Variants in STIM1 observed in about 807,000 individuals in gnomAD.
STIM1 encodes the protein stromal interaction molecule 1.
STIM1 carries 25 observed loss-of-function variants against 74.7 expected under a neutral mutation model. That is an observed-to-expected ratio of 0.33 (90% CI 0.24 to 0.47). The LOEUF is 0.47. Ranked by LOEUF, STIM1 falls within the 20% of genes least tolerant of loss-of-function variation. The pLI, the probability that STIM1 is intolerant of heterozygous loss-of-function variation, is 1.00. For synonymous variants in STIM1, 328 were observed against 348.8 expected (o/e 0.94, Z 0.66); for missense variants, 728 against 920.8 (o/e 0.79, Z 2.71).
At chr11:3,923,163 T>C (rs1262986955) in intron 1 of STIM1, among the ~76,000 whole-genome samples, 1 of 152,206 alleles carries the variant, frequency 6.6e-6, no homozygotes, top group Non-Finnish European at 1.5e-5. Flanking sequence ...CCCCATAATT[T>C]TTTTTATCTA....
At chr11:4,053,202 A>G (rs534231372) in intron 3 of STIM1, among the ~76,000 whole-genome samples, 3 of 152,300 alleles carry the variant, frequency 2.0e-5, no homozygotes, top group East Asian at 3.9e-4. Flanking sequence ...AACTAGAAAT[A>G]CCATTTGACC....
chr11:4,052,951 A>G (rs965119364), intron 3 of STIM1, among the ~76,000 whole-genome samples: 1 of 152,254 alleles, frequency 6.6e-6, no homozygotes, highest in Non-Finnish European at 1.5e-5. Flanking sequence ...AAAAGAAGAC[A>G]TTTATGCAGC....
At chr11:3,943,937 C>A (rs2093041319) in intron 1 of STIM1, among the ~76,000 whole-genome samples, 1 of 152,208 alleles carries the variant, frequency 6.6e-6, no homozygotes, top group African/African-American at 2.4e-5. Flanking sequence ...CAAAGGATAT[C>A]TTCATCTATA....
chr11:4,025,867 T>C (rs1229242935), intron 3 of STIM1, among the ~76,000 whole-genome samples: 2 of 152,184 alleles, frequency 1.3e-5, no homozygotes, highest in Non-Finnish European at 2.9e-5. Flanking sequence ...GGGAGAGTCC[T>C]CATTAACCAT....
intron 2 of STIM1, 21 bp from the exon 3 acceptor site, chr11:4,023,851 CT>C: frequency 6.3e-7 from 1 of 1,598,166 alleles, no homozygotes; most frequent in Non-Finnish European, 8.6e-7. Flanking sequence ...TCTCTTGTGA[CT>C]TGTGTACTTT....
At chr11:3,933,501 C>T (rs2092895965) in intron 1 of STIM1, among the ~76,000 whole-genome samples, 1 of 152,226 alleles carries the variant, frequency 6.6e-6, no homozygotes, top group South Asian at 2.1e-4. Flanking sequence ...GTTTCCCTCT[C>T]TCATCCAGCT....
chr11:4,038,111 T>G (rs1248854396), intron 3 of STIM1, among the ~76,000 whole-genome samples: 1 of 151,746 alleles, frequency 6.6e-6, no homozygotes, highest in Non-Finnish European at 1.5e-5. Flanking sequence ...CTTGGCTTAC[T>G]GCAACCTCTG....
At chr11:4,032,659 C>T (rs1590662137) in intron 3 of STIM1, among the ~76,000 whole-genome samples, 1 of 152,156 alleles carries the variant, frequency 6.6e-6, no homozygotes. Flanking sequence ...CAAAGTACAT[C>T]TCTCCATTTA....
chr11:3,988,152 G>T (rs1287583510), intron 2 of STIM1, among the ~76,000 whole-genome samples: 1 of 152,182 alleles, frequency 6.6e-6, no homozygotes, highest in East Asian at 1.9e-4. Context: ...GTGTTTGAAA[G>T]CCATGTATAG....
At chr11:3,892,310 C>T (rs1344720743) in intron 1 of STIM1, 22 of 817,818 alleles carry the variant, frequency 2.7e-5, no homozygotes, top group South Asian at 1.4e-4. Flanking sequence ...AAGGATACTG[C>T]GAGCAAATGG....
At chr11:3,967,138 G>C (rs947287658) in intron 1 of STIM1, among the ~76,000 whole-genome samples, 2 of 152,102 alleles carry the variant, frequency 1.3e-5, no homozygotes. Flanking sequence ...AGATTATGTT[G>C]ATTTACATTT....
Position 3,950,700 on chromosome 11 carries a change from A to T in STIM1, c.140-16852A>T, listed in dbSNP as rs191185199. 5.9e-5 allele frequency among the ~76,000 whole-genome samples: 9 copies of T among 152,120 alleles called. No individual in the cohort carries two copies. In the East Asian group the frequency reaches 1.7e-3, roughly 30 times the overall value. On this transcript the variant is annotated intron_variant, in intron 1 of 12. Coordinates refer to ENST00000526596, the MANE Select transcript of STIM1 (RefSeq NM_001382567.1). ...GAGTGCAGTAGTACGATCATAGTTT[A>T]CTGCAACTTCAAACTGCTGGGCTCA...
intron 1 of STIM1, among the ~76,000 whole-genome samples, chr11:3,952,221 T>C (rs1027874009): frequency 6.6e-6 from 1 of 152,048 alleles, no homozygotes; most frequent in Non-Finnish European, 1.5e-5. Flanking sequence ...AAGACCAGAC[T>C]GGGCAACATA....
intron 1 of STIM1, among the ~76,000 whole-genome samples, chr11:3,960,756 GC>G (rs1215890808): frequency 6.6e-6 from 1 of 152,070 alleles, no homozygotes; most frequent in Non-Finnish European, 1.5e-5. Context: ...TTGATCTTTA[GC>G]CAAAACAACA....
At chr11:3,873,307 A>C (rs2135279241) in intron 1 of STIM1, among the ~76,000 whole-genome samples, 1 of 151,538 alleles carries the variant, frequency 6.6e-6, no homozygotes, top group South Asian at 2.1e-4. Context: ...AATCCCAGCT[A>C]CTTGGGAGGC....
chr11:3,900,654 C>T (rs575937941), intron 1 of STIM1, among the ~76,000 whole-genome samples: 24 of 152,322 alleles, frequency 1.6e-4, no homozygotes, highest in African/African-American at 5.3e-4. Context: ...TTTGCGATCA[C>T]AGCTCACTGC....
intron 3 of STIM1, among the ~76,000 whole-genome samples, chr11:4,051,861 C>T (rs967687664): frequency 1.3e-5 from 2 of 152,094 alleles, no homozygotes; most frequent in African/African-American, 2.4e-5. Context: ...AAAACCCCAT[C>T]GTCTCAGCCC....
chr11:3,926,718 A>G (rs188911215), intron 1 of STIM1, among the ~76,000 whole-genome samples: 257 of 152,316 alleles, frequency 1.7e-3, no homozygotes, highest in South Asian at 3.7e-3. Context: ...TCTCTCTTCC[A>G]ATAGAATTTT....
intron 3 of STIM1, 107 bp downstream of exon 3, chr11:4,024,094 C>A (rs1181212292): frequency 3.6e-6 from 3 of 830,076 alleles, no homozygotes; most frequent in East Asian, 2.7e-5. Context: ...TAGTAAAGGG[C>A]AAATTATTGA....
Sources: gnomAD v4.1 joint callset for allele counts (sites outside exome capture counted in the v4.1 genomes callset) on GRCh38, gnomAD v4.1.1 for gene constraint, MANE v1.5 for transcripts, NCBI Gene and HGNC (gene_info 2026-07-23, HGNC 2026-07-21) for gene names.